Variants in HMGXB3 observed in about 807,000 individuals in gnomAD.
HMGXB3 encodes HMG-box containing 3.
A neutral mutation model predicts 121.5 loss-of-function variants in HMGXB3; 45 were observed. That is an observed-to-expected ratio of 0.37 (90% CI 0.29 to 0.47). The LOEUF is 0.47. Ranked by LOEUF, HMGXB3 falls within the 20% of genes least tolerant of loss-of-function variation. HMGXB3 has a pLI of 0.99. For synonymous variants in HMGXB3, 590 were observed against 624.1 expected (o/e 0.95, Z 0.81); for missense variants, 1,376 against 1,602.2 (o/e 0.86, Z 2.41).
chr5:150,011,699 G>A (rs1253751385), intron 4 of HMGXB3, among the ~76,000 whole-genome samples: 4 of 150,930 alleles, frequency 2.7e-5, no homozygotes, highest in Non-Finnish European at 5.9e-5. Context: ...CCACCTCCCG[G>A]GTTCAAGAGA....
chr5:150,025,844 G>A (rs911372558), intron 7 of HMGXB3, among the ~76,000 whole-genome samples: 1 of 150,554 alleles, frequency 6.6e-6, no homozygotes, highest in East Asian at 2.0e-4. Context: ...AATACATCTT[G>A]CTTTTTTTTG....
chr5:150,012,351 C>G lies in HMGXB3; in HGVS notation c.907C>G (p.Leu303Val). The stretch of plus-strand genomic sequence containing the variant: ...TGTGGAGAACCCCACCTCCATCAAA[C>G]TGGTCAGTACTGTATGTGGGGGATT... ...SVVENPTSIK[L>V]TTTYTRRGHG... Residue 303 changes from leucine to valine, a missense_variant and splice_region_variant, in exon 5 of 20, where the codon CTG (leucine) becomes GTG (valine). Physicochemically the swap from Leu to Val is conservative, Grantham distance 32. Transcript: ENST00000502717. 6.5e-7 allele frequency: 1 copy of G among 1,546,210 alleles called. No individual in the cohort carries two copies. The highest frequency in any genetic ancestry group is 1.2e-5 in the South Asian group (1 of 83,936).
At chr5:150,032,089 T>C (rs1236859373) in intron 10 of HMGXB3, among the ~76,000 whole-genome samples, 1 of 150,200 alleles carries the variant, frequency 6.7e-6, no homozygotes, top group African/African-American at 2.5e-5. Flanking sequence ...AAGTCACAGT[T>C]TGTCTTCAGG....
chr5:150,045,086 G>A (rs559702725), intron 15 of HMGXB3, among the ~76,000 whole-genome samples: 4 of 152,292 alleles, frequency 2.6e-5, no homozygotes, highest in African/African-American at 9.6e-5. Flanking sequence ...CTCTTCGAGT[G>A]CTTGAATACT....
Position 150,006,524 on chromosome 5 carries a change from G to A in HMGXB3, c.189G>A (p.Glu63=). The change falls in exon 3 of 20, where the codon GAG becomes GAA. Residue 63 remains glutamate, a synonymous_variant. Transcript: ENST00000502717. ...ACATCTACCTGAAAGTGCAGCAGGA[G>A]CTCCCCCACCTCCCTCAGTCTGAGA... ...YYDIYLKVQQ[E]LPHLPQSEIN... The A allele has an allele frequency of 6.4e-7, 1 of 1,551,944 alleles. No individual in the cohort carries two copies. The highest frequency in any genetic ancestry group is 1.4e-5 in the African/African-American group (1 of 73,136).
At chr5:150,045,395 C>A in intron 15 of HMGXB3, 71 bp from the exon 16 acceptor site, 1 of 1,258,232 alleles carries the variant, frequency 7.9e-7, no homozygotes, top group Non-Finnish European at 1.1e-6. Context: ...TGTATAATGA[C>A]GGGGTAGGCT....
Position 150,052,198 on chromosome 5 carries a change from G to C in HMGXB3, c.*6G>C. On this transcript the variant is annotated 3_prime_UTR_variant, in exon 20 of 20. Transcript: ENST00000502717. ...TGGCCGCAGTGGCAGAATAAGCCAG[G>C]CTGTTGTACAGGGACTACACCATCT... 1 of 1,535,412 alleles carries C rather than the reference G, an allele frequency of 6.5e-7. No individual in the cohort carries two copies. The highest frequency in any genetic ancestry group is 8.8e-7 in the Non-Finnish European group (1 of 1,138,390).
intron 13 of HMGXB3, among the ~76,000 whole-genome samples, chr5:150,038,956 T>C (rs1756561102): frequency 1.3e-5 from 2 of 152,230 alleles, no homozygotes; most frequent in African/African-American, 4.8e-5. Context: ...CTTGGGTAAA[T>C]ACCTAGGAGT....
At chr5:150,025,479 G>T (rs1211039856) in intron 7 of HMGXB3, among the ~76,000 whole-genome samples, 1 of 149,284 alleles carries the variant, frequency 6.7e-6, no homozygotes, top group Non-Finnish European at 1.5e-5. Flanking sequence ...ATATGTATGT[G>T]TGTGTGTGTA....
intron 15 of HMGXB3, among the ~76,000 whole-genome samples, chr5:150,044,562 C>A (rs1218760786): frequency 6.6e-6 from 1 of 152,164 alleles, no homozygotes; most frequent in East Asian, 1.9e-4. Context: ...CTGGGTCCCA[C>A]CCACAGGATT....
intron 11 of HMGXB3, among the ~76,000 whole-genome samples, chr5:150,034,035 T>G (rs184573869): frequency 2.0e-5 from 3 of 152,262 alleles, no homozygotes; most frequent in Non-Finnish European, 2.9e-5. Context: ...CAAGGTAGAT[T>G]AGATCTGGGC....
At chr5:150,032,386 C>A in intron 10 of HMGXB3, 68 bp from the exon 11 acceptor site, 1 of 1,439,478 alleles carries the variant, frequency 6.9e-7, no homozygotes, top group Non-Finnish European at 9.4e-7. Context: ...GCTGCTCATT[C>A]TGGTTCTGGG....
chr5:150,033,855 C>T (rs1442718754), intron 11 of HMGXB3, among the ~76,000 whole-genome samples: 15 of 152,092 alleles, frequency 9.9e-5, no homozygotes, highest in Non-Finnish European at 7.4e-5. Flanking sequence ...AGTCTGTTTC[C>T]GTGCTTGAGG....
At chr5:150,010,088 C>G in intron 3 of HMGXB3, 23 bp from the exon 4 acceptor site, 1 of 1,541,604 alleles carries the variant, frequency 6.5e-7, no homozygotes, top group Non-Finnish European at 8.8e-7. Flanking sequence ...TTGTCTCCCC[C>G]TTCCTGGCTT....
chr5:150,006,531 C>T lies in HMGXB3; in HGVS notation c.196C>T (p.His66Tyr), dbSNP rs2113723269. 1.3e-6 allele frequency: 2 copies of T among 1,552,034 alleles called. No individual in the cohort carries two copies. The highest frequency in any genetic ancestry group is 1.7e-6 in the Non-Finnish European group (2 of 1,147,036). Residue 66 changes from histidine (H) to tyrosine (Y), a missense_variant, in exon 3 of 20, where the codon CAC becomes TAC. Physicochemically the swap from His to Tyr is moderately conservative, Grantham distance 83. Coordinates refer to ENST00000502717, the MANE Select transcript of HMGXB3 (RefSeq NM_014983.3). ...CCTGAAAGTGCAGCAGGAGCTCCCC[C>T]ACCTCCCTCAGTCTGAGATCAATAA... ...IYLKVQQELP[H>Y]LPQSEINKKI...
In HMGXB3 at chr5:150,025,196, A is replaced by C. The variant is rs956112292; in HGVS notation, c.1460+516A>C. On this transcript the variant is annotated intron_variant, in intron 7 of 19. Transcript: ENST00000502717. ...CTCACAGGCTGACTGTACAAACTGA[A>C]GATTGTATATAAAACATGCAACCAA... 4.5e-4 allele frequency among the ~76,000 whole-genome samples: 69 copies of C among 152,210 alleles called. 2 individuals are homozygous for C.
At chr5:150,034,836 C>T (rs973535941) in intron 11 of HMGXB3, among the ~76,000 whole-genome samples, 6 of 152,134 alleles carry the variant, frequency 3.9e-5, no homozygotes, top group East Asian at 1.9e-4. Flanking sequence ...GCGAGAGTCA[C>T]GGGACAGTAT....
In HMGXB3 at chr5:150,004,931, G is replaced by C; in HGVS notation, c.79G>C (p.Gly27Arg). ...GGAAGCCTATTGTTACACCTCTCCTGGGCCACCCAAGAAGAAGAAAAAGTA... is the reference window on the plus strand; with the variant it reads ...GGAAGCCTATTGTTACACCTCTCCTCGGCCACCCAAGAAGAAGAAAAAGTA... ...IEEAYCYTSP[G>R]PPKKKKKYKI... The change falls in exon 2 of 20, where the codon GGG (glycine) becomes CGG (arginine). Residue 27 changes from glycine to arginine, a missense_variant. Coordinates refer to ENST00000502717, the MANE Select transcript of HMGXB3 (RefSeq NM_014983.3). 4 of 1,551,702 alleles carry C rather than the reference G, an allele frequency of 2.6e-6. No individual in the cohort carries two copies. The highest frequency in any genetic ancestry group is 3.5e-6 in the Non-Finnish European group (4 of 1,146,930).
At chr5:150,026,667 G>C (rs562378125) in intron 7 of HMGXB3, 39 bp from the exon 8 acceptor site, 21 of 1,526,156 alleles carry the variant, frequency 1.4e-5, no homozygotes, top group Non-Finnish European at 1.7e-5. Flanking sequence ...TCTTCCCTTT[G>C]TTCCAGAATT....
Sources: gnomAD v4.1 joint callset for allele counts (sites outside exome capture counted in the v4.1 genomes callset) on GRCh38, gnomAD v4.1.1 for gene constraint, MANE v1.5 for transcripts, NCBI Gene and HGNC (gene_info 2026-07-23, HGNC 2026-07-21) for gene names.